The following ZBED6 variants were observed in gnomAD, a reference collection of about 807,000 sequenced individuals.
The protein encoded by ZBED6 is zinc finger BED-type containing 6.
In ZBED6, 40 loss-of-function variants were observed where a neutral mutation model predicts 58.4. The observed-to-expected ratio is 0.68, with a 90% CI of 0.53 to 0.89. The LOEUF (loss-of-function observed/expected upper bound fraction) is 0.89, where lower values mean the gene tolerates loss of function less well. Ranked by LOEUF, ZBED6 falls within the 40% of genes least tolerant of loss-of-function variation. The probability of loss-of-function intolerance (pLI) is 0.00; values close to 1 mark genes in which losing one functional copy is unlikely to be tolerated. For missense variants in ZBED6, 1,057 were observed against 1,003.9 expected, an observed-to-expected ratio of 1.05 and a Z score of -0.71; for synonymous variants, 439 against 350.6, an observed-to-expected ratio of 1.25 and a Z score of -2.82.
chr1:203,833,259 T>G (rs1295077618), intron 8 of ZBED6, among the ~76,000 whole-genome samples: 2 of 151,116 alleles, frequency 1.3e-5, no homozygotes, highest in African/African-American at 2.4e-5. Flanking sequence ...TCCCAGCTAC[T>G]CAGGCTGAGG....
exon 1 of ZBED6, chr1:203,796,751 T>A: frequency 3.3e-6 from 1 of 306,328 alleles, no homozygotes; most frequent in Non-Finnish European, 5.9e-6. Flanking sequence ...TAAAAATATC[T>A]GAAAACTAAA....
intron 8 of ZBED6, among the ~76,000 whole-genome samples, chr1:203,832,705 A>G (rs1006571395): frequency 2.6e-5 from 4 of 152,210 alleles, no homozygotes; most frequent in African/African-American, 9.6e-5. Context: ...CTAATAAGGA[A>G]TTATAGATAT....
At chr1:203,835,686 T>C in intron 9 of ZBED6, 1 of 248,260 alleles carries the variant, frequency 4.0e-6, no homozygotes, top group Non-Finnish European at 8.7e-6. Flanking sequence ...TCCATGGGCT[T>C]GAGTTACCTT....
At chr1:203,816,320 A>AT (rs1436510340) in intron 1 of ZBED6, among the ~76,000 whole-genome samples, 3 of 152,174 alleles carry the variant, frequency 2.0e-5, no homozygotes, top group Non-Finnish European at 4.4e-5. Flanking sequence ...ATACATATAT[A>AT]CATATATGTA....
chr1:203,850,615 T>C, exon 15 of ZBED6: 1 of 1,614,136 alleles, frequency 6.2e-7, no homozygotes, highest in Non-Finnish European at 8.5e-7. Flanking sequence ...CTGCTGTCAT[T>C]GCCGCTGTGA....
intron 5 of ZBED6, 27 bp from the exon 6 acceptor site, chr1:203,829,753 G>T: frequency 6.2e-7 from 1 of 1,612,832 alleles, no homozygotes; most frequent in Non-Finnish European, 8.5e-7. Flanking sequence ...TTTTAATTGT[G>T]AATTTGCCTT....
At position 203,847,679 on chromosome 1, in the gene ZBED6, A is replaced by G. The variant is rs759078052; in HGVS notation, c.*4237A>G. 6 of 1,612,180 alleles carry G rather than the reference A, an allele frequency of 3.7e-6. No individual in the cohort carries two copies. In the Admixed American group the frequency reaches 6.7e-5, roughly 18 times the overall value. On this transcript the variant is annotated 3_prime_UTR_variant, in exon 12 of 17. Coordinates refer to ENST00000550078, the Ensembl canonical transcript of ZBED6. ...GCAAGGCGGCTGCTGCGAATCACCA[A>G]AAGAACAGGTAACAAGAGAACTTGG...
At chr1:203,831,541 G>A in intron 7 of ZBED6, 120 bp from the exon 8 acceptor site, 1 of 756,598 alleles carries the variant, frequency 1.3e-6, no homozygotes, top group Non-Finnish European at 2.2e-6. Flanking sequence ...AAGGCTGATT[G>A]GCTTATAGTC....
Position 203,799,991 on chromosome 1 carries a change from A to G in ZBED6, c.2469A>G (p.Thr823=), listed in dbSNP as rs751814761. The stretch of plus-strand genomic sequence containing the variant: ...CAGAAGCTTCTTGTCCCTCAGTTAC[A>G]GTGGGAGCTGATTCATTTACCTCAT... Residue 823 remains threonine, a synonymous_variant, in exon 1 of 17, where the codon ACA becomes ACG. Transcript: ENST00000550078. The G allele has an allele frequency of 2.4e-5, 37 of 1,536,134 alleles. No homozygotes were observed. The South Asian group carries it at 2.7e-4, about 11-fold the overall frequency.
rs370741921 is a variant in ZBED6, at chr1:203,803,202, T to G, written c.*2554+186T>G. Among the ~76,000 whole-genome samples, 36 of 152,204 alleles carry G rather than the reference T, an allele frequency of 2.4e-4. 2 individuals carry two copies. Among genetic ancestry groups the G allele is most frequent in the East Asian group, 1.2e-3 (6 of 5,208 alleles). On this transcript the variant is annotated intron_variant, in intron 1 of 16. Transcript: ENST00000550078. ...TTTTTTTCTTTCTTTTCTTTTTTTC[T>G]TTTTTGGAGACGGAGTTTTACTCTT...
chr1:203,804,300 C>T (rs1006232092), intron 1 of ZBED6, among the ~76,000 whole-genome samples: 2 of 151,752 alleles, frequency 1.3e-5, no homozygotes, highest in African/African-American at 2.4e-5. Context: ...TACAGGCACC[C>T]GCCACCTCGC....
chr1:203,831,718 A>G, exon 8 of ZBED6: 1 of 1,613,246 alleles, frequency 6.2e-7, no homozygotes, highest in Non-Finnish European at 8.5e-7. Flanking sequence ...CCAGGTCCTG[A>G]AAAAGAAAAT....
chr1:203,815,379 C>CT (rs397711285), intron 1 of ZBED6, among the ~76,000 whole-genome samples: 58,682 of 96,164 alleles, frequency 0.61, 18,401 homozygotes, highest in Middle Eastern at 0.66. Context: ...CCACACCCAG[C>CT]TTTTTTTTTT....
At chr1:203,816,522 G>A (rs1676430199) in intron 1 of ZBED6, among the ~76,000 whole-genome samples, 2 of 152,032 alleles carry the variant, frequency 1.3e-5, no homozygotes, top group Admixed American at 6.6e-5. Context: ...CTGGATACTT[G>A]GGGGAGGCTG....
At chr1:203,803,102 T>C (rs1671017993) in intron 1 of ZBED6, 86 bp downstream of exon 1, 1 of 152,418 alleles carries the variant, frequency 6.6e-6, no homozygotes, top group South Asian at 2.1e-4. Flanking sequence ...CAGTAAGAAA[T>C]TAAAAGGCCA....
chr1:203,811,161 A>G (rs988771565), intron 1 of ZBED6, among the ~76,000 whole-genome samples: 2 of 146,402 alleles, frequency 1.4e-5, no homozygotes, highest in African/African-American at 5.1e-5. Flanking sequence ...AAAAAAAAAA[A>G]GCCAAGTGTG....
intron 2 of ZBED6, among the ~76,000 whole-genome samples, chr1:203,818,050 TTA>T (rs367640141): frequency 3.3e-4 from 50 of 152,192 alleles, no homozygotes; most frequent in African/African-American, 1.1e-3. Flanking sequence ...CCCGGTGATA[TTA>T]TGTTTTAAAT....
At chr1:203,805,798 T>C in intron 1 of ZBED6, 1 of 762,102 alleles carries the variant, frequency 1.3e-6, no homozygotes, top group East Asian at 3.3e-5. Context: ...GTTGTCTTCA[T>C]CTAATTCTGG....
intron 3 of ZBED6, among the ~76,000 whole-genome samples, chr1:203,822,592 G>T (rs1320820444): frequency 6.6e-6 from 1 of 151,924 alleles, no homozygotes; most frequent in Non-Finnish European, 1.5e-5. Context: ...ACCCCACTTG[G>T]TCTTTGATGC....
Sources: gnomAD v4.1 joint callset for allele counts (sites outside exome capture counted in the v4.1 genomes callset) on GRCh38, gnomAD v4.1.1 for gene constraint, MANE v1.5 for transcripts, NCBI Gene and HGNC (gene_info 2026-07-23, HGNC 2026-07-21) for gene names.